Variants in CNBD1 observed in about 807,000 individuals in gnomAD.
CNBD1 encodes the protein cyclic nucleotide binding domain containing 1.
A neutral mutation model predicts 54.4 loss-of-function variants in CNBD1; 71 were observed. That is an observed-to-expected ratio of 1.30 (90% CI 1.08 to 1.59). The LOEUF (loss-of-function observed/expected upper bound fraction) is 1.59. Ranked by LOEUF, CNBD1 falls within the 40% of genes most tolerant of loss-of-function variation. The pLI is 0.00. For missense variants in CNBD1, 659 were observed against 518.0 expected (o/e 1.27, Z -2.64); for synonymous variants, 182 against 170.7 (o/e 1.07, Z -0.51).
chr8:87,240,813 T>C (rs1009167016), intron 6 of CNBD1, among the ~76,000 whole-genome samples: 7 of 152,140 alleles, frequency 4.6e-5, no homozygotes, highest in African/African-American at 1.7e-4. Context: ...TCCCTGGAGC[T>C]GGTGTTGCCT....
intron 4 of CNBD1, among the ~76,000 whole-genome samples, chr8:87,188,408 C>T (rs781738974): frequency 5.9e-5 from 9 of 152,130 alleles, no homozygotes; most frequent in Non-Finnish European, 1.5e-5. Flanking sequence ...TGAAAATTAA[C>T]CATTGCACAA....
At chr8:87,385,050 T>C (rs2130963208), downstream of CNBD1, among the ~76,000 whole-genome samples, 1 of 152,322 alleles carries the variant, frequency 6.6e-6, no homozygotes, top group East Asian at 1.9e-4. Flanking sequence ...ACTTGGGTTC[T>C]ATATGCAAAA....
intron 4 of CNBD1, among the ~76,000 whole-genome samples, chr8:87,147,163 C>T (rs1450784092): frequency 2.0e-5 from 3 of 152,136 alleles, no homozygotes; most frequent in African/African-American, 7.2e-5. Context: ...TTTCTGACTA[C>T]TAGAGTTACC....
chr8:87,217,777 A>G (rs115147185), intron 5 of CNBD1, among the ~76,000 whole-genome samples: 2,237 of 152,182 alleles, frequency 0.015, 73 homozygotes, highest in African/African-American at 0.051. Context: ...ACTGGCTTAT[A>G]CTAGAAATCT....
At chr8:86,904,215 C>T (rs147062246) in intron 2 of CNBD1, among the ~76,000 whole-genome samples, 188 of 151,958 alleles carry the variant, frequency 1.2e-3, no homozygotes, top group African/African-American at 4.4e-3. Context: ...CATTGTCATG[C>T]GGCAACTATT....
intron 3 of CNBD1, among the ~76,000 whole-genome samples, chr8:86,909,050 G>A (rs959067022): frequency 1.3e-5 from 2 of 151,922 alleles, no homozygotes; most frequent in African/African-American, 2.4e-5. Context: ...GCCACTGCGC[G>A]GGGCCAAGAA....
intron 2 of CNBD1, among the ~76,000 whole-genome samples, chr8:86,897,022 G>A (rs980132103): frequency 6.6e-6 from 1 of 152,132 alleles, no homozygotes; most frequent in African/African-American, 2.4e-5. Context: ...TCAAGTCTTG[G>A]TGAGAATGTG....
chr8:87,055,910 C>A (rs1249467593), intron 4 of CNBD1, among the ~76,000 whole-genome samples: 17 of 143,292 alleles, frequency 1.2e-4, no homozygotes, highest in Admixed American at 7.8e-4. Context: ...TTCCTTCCTT[C>A]CTTCCTTCCT....
chr8:87,179,987 T>C (rs1393460896), intron 4 of CNBD1, among the ~76,000 whole-genome samples: 1 of 152,164 alleles, frequency 6.6e-6, no homozygotes, highest in Non-Finnish European at 1.5e-5. Flanking sequence ...AGGTTATCAG[T>C]AGTTAATGTA....
At chr8:87,402,669 G>C (rs148239640) in intron 2 of CNBD1, among the ~76,000 whole-genome samples, 1 of 152,030 alleles carries the variant, frequency 6.6e-6, no homozygotes, top group Non-Finnish European at 1.5e-5. Flanking sequence ...GCTGGCCAGG[G>C]CCAAATCTCA....
chr8:87,036,006 A>G (rs1262122958), intron 4 of CNBD1, among the ~76,000 whole-genome samples: 2 of 152,310 alleles, frequency 1.3e-5, no homozygotes, highest in East Asian at 1.9e-4. Flanking sequence ...CAGTCATGTG[A>G]CTGTAAACAC....
At chr8:87,278,473 C>A (rs1024489865) in intron 6 of CNBD1, among the ~76,000 whole-genome samples, 3 of 151,466 alleles carry the variant, frequency 2.0e-5, no homozygotes, top group African/African-American at 7.3e-5. Flanking sequence ...GAACTCGTAA[C>A]AAATAATGAA....
chr8:87,321,878 G>T (rs879845484), intron 8 of CNBD1, among the ~76,000 whole-genome samples: 1 of 146,186 alleles, frequency 6.8e-6, no homozygotes, highest in Non-Finnish European at 1.5e-5. Context: ...ATGTATACAT[G>T]TGCCATGCTG....
chr8:87,413,641 C>G (rs1807786237), intron 2 of CNBD1, among the ~76,000 whole-genome samples: 1 of 152,022 alleles, frequency 6.6e-6, no homozygotes, highest in Non-Finnish European at 1.5e-5. Context: ...GGGCTAATAT[C>G]CAGAATCTAC....
chr8:87,120,126 A>C (rs574356533), intron 4 of CNBD1, among the ~76,000 whole-genome samples: 116 of 152,062 alleles, frequency 7.6e-4, no homozygotes, highest in African/African-American at 2.7e-3. Flanking sequence ...CCTTTTTGAT[A>C]ATTTTAAAAT....
intron 3 of CNBD1, among the ~76,000 whole-genome samples, chr8:86,905,822 T>C (rs1809008951): frequency 6.6e-6 from 1 of 152,190 alleles, no homozygotes. Flanking sequence ...AAGTGTCTTA[T>C]ATCAGTGCAG....
chr8:87,371,046 G>A (rs1245556586), intron 10 of CNBD1, among the ~76,000 whole-genome samples: 9 of 150,360 alleles, frequency 6.0e-5, no homozygotes, highest in South Asian at 4.2e-4. Flanking sequence ...GTAGATATGC[G>A]GCGTTATTTC....
intron 8 of CNBD1, among the ~76,000 whole-genome samples, chr8:87,349,442 C>T (rs574934390): frequency 3.3e-5 from 5 of 152,268 alleles, no homozygotes; most frequent in African/African-American, 1.2e-4. Context: ...GTGTCATGAG[C>T]TCAGCTCACT....
chr8:87,375,165 T>A, intron 10 of CNBD1, among the ~76,000 whole-genome samples: 1 of 151,880 alleles, frequency 6.6e-6, no homozygotes, highest in East Asian at 1.9e-4. Context: ...ATAGTACTAT[T>A]ATAAGAACAA....
Sources: gnomAD v4.1 joint callset for allele counts (sites outside exome capture counted in the v4.1 genomes callset) on GRCh38, gnomAD v4.1.1 for gene constraint, MANE v1.5 for transcripts, NCBI Gene and HGNC (gene_info 2026-07-23, HGNC 2026-07-21) for gene names.